Variants in PRKD1 observed in about 807,000 individuals in gnomAD.
The protein encoded by PRKD1 is serine/threonine-protein kinase D1.
PRKD1 carries 63 observed loss-of-function variants against 95.9 expected under a neutral mutation model. That is an observed-to-expected ratio of 0.66 (90% CI 0.54 to 0.81). PRKD1 has a LOEUF of 0.81. Ranked by LOEUF, PRKD1 falls within the 30% of genes least tolerant of loss-of-function variation. The probability of loss-of-function intolerance (pLI) is 0.00; values close to 1 mark genes in which losing one functional copy is unlikely to be tolerated. For missense variants in PRKD1, 1,048 were observed against 1,165.3 expected, an observed-to-expected ratio of 0.90 and a Z score of 1.47; for synonymous variants, 425 against 423.1, an observed-to-expected ratio of 1.00 and a Z score of -0.05.
chr14:29,699,581 T>C (rs753905908), intron 2 of PRKD1, among the ~76,000 whole-genome samples: 4 of 152,190 alleles, frequency 2.6e-5, no homozygotes, highest in Non-Finnish European at 2.9e-5. Context: ...GGCAAAGTTT[T>C]CTCCAATTCT....
chr14:29,620,985 T>C (rs1272533420), intron 13 of PRKD1, among the ~76,000 whole-genome samples: 2 of 151,926 alleles, frequency 1.3e-5, no homozygotes, highest in Admixed American at 6.6e-5. Flanking sequence ...ACCACAGCCA[T>C]ACTATGACTA....
At chr14:29,700,290 C>A (rs1399397514) in intron 2 of PRKD1, among the ~76,000 whole-genome samples, 2 of 151,998 alleles carry the variant, frequency 1.3e-5, no homozygotes, top group South Asian at 4.2e-4. Flanking sequence ...ACAAATGTCC[C>A]CCAATAGTTT....
intron 16 of PRKD1, among the ~76,000 whole-genome samples, chr14:29,595,504 T>C (rs935655140): frequency 6.6e-6 from 1 of 152,208 alleles, no homozygotes; most frequent in Non-Finnish European, 1.5e-5. Context: ...TACTTTTGTA[T>C]TACCTACTGT....
At chr14:29,813,086 G>T (rs1890555968) in intron 1 of PRKD1, among the ~76,000 whole-genome samples, 1 of 152,010 alleles carries the variant, frequency 6.6e-6, no homozygotes, top group African/African-American at 2.4e-5. Flanking sequence ...CTCCATCCTG[G>T]GCAACAGGAG....
intron 13 of PRKD1, among the ~76,000 whole-genome samples, chr14:29,616,138 G>C (rs557968341): frequency 2.0e-5 from 3 of 150,566 alleles, no homozygotes; most frequent in African/African-American, 7.3e-5. Flanking sequence ...TAGGAAGATA[G>C]AGGAGCTAGC....
intron 2 of PRKD1, among the ~76,000 whole-genome samples, chr14:29,708,044 T>C (rs570091312): frequency 8.5e-5 from 13 of 152,288 alleles, no homozygotes; most frequent in Non-Finnish European, 1.5e-4. Context: ...ACCTTTTATC[T>C]AAAACACAAA....
At chr14:29,707,735 TA>T (rs1198799555) in intron 2 of PRKD1, among the ~76,000 whole-genome samples, 1 of 152,162 alleles carries the variant, frequency 6.6e-6, no homozygotes, top group Non-Finnish European at 1.5e-5. Flanking sequence ...TCCCTGTTTG[TA>T]TATGAAACTC....
intron 1 of PRKD1, among the ~76,000 whole-genome samples, chr14:29,814,384 C>G (rs1890609461): frequency 6.6e-6 from 1 of 152,160 alleles, no homozygotes; most frequent in Non-Finnish European, 1.5e-5. Flanking sequence ...AAGAACCTCC[C>G]AAGGCAGGAG....
intron 1 of PRKD1, among the ~76,000 whole-genome samples, chr14:29,801,063 C>A (rs1228998044): frequency 2.0e-5 from 3 of 151,892 alleles, no homozygotes; most frequent in Non-Finnish European, 1.5e-5. Flanking sequence ...GAAAGGGGAC[C>A]CAAGTGTGTG....
At chr14:29,609,685 C>T (rs374547397) in intron 13 of PRKD1, among the ~76,000 whole-genome samples, 1 of 150,016 alleles carries the variant, frequency 6.7e-6, no homozygotes, top group African/African-American at 2.4e-5. Context: ...GGACTACAGG[C>T]AAGCACCACC....
intron 13 of PRKD1, among the ~76,000 whole-genome samples, chr14:29,603,030 T>C (rs1893578717): frequency 6.6e-6 from 1 of 152,196 alleles, no homozygotes; most frequent in Non-Finnish European, 1.5e-5. Flanking sequence ...ATTTGGGCTT[T>C]GAATGTGGTT....
chr14:29,664,611 G>A (rs191510889), intron 3 of PRKD1, among the ~76,000 whole-genome samples: 1 of 152,246 alleles, frequency 6.6e-6, no homozygotes, highest in East Asian at 1.9e-4. Flanking sequence ...CCTCTTCACA[G>A]ACAGAAATTC....
chr14:29,667,642 A>C (rs918625917), intron 2 of PRKD1, among the ~76,000 whole-genome samples: 1 of 152,230 alleles, frequency 6.6e-6, no homozygotes, highest in African/African-American at 2.4e-5. Context: ...TAGAAAATTT[A>C]TTTTTAAAAT....
At chr14:29,914,842 G>A (rs141297278) in intron 1 of PRKD1, among the ~76,000 whole-genome samples, 3,531 of 151,266 alleles carry the variant, frequency 0.023, 148 homozygotes, top group African/African-American at 0.082. Context: ...GCGTGATCTC[G>A]GCTAACTGCA....
chr14:29,687,089 G>A (rs1883923960), intron 2 of PRKD1, among the ~76,000 whole-genome samples: 1 of 151,762 alleles, frequency 6.6e-6, no homozygotes, highest in Non-Finnish European at 1.5e-5. Flanking sequence ...TTTTCTTAAG[G>A]TCTGGTGTCT....
At chr14:29,740,261 T>C (rs1239049695) in intron 1 of PRKD1, among the ~76,000 whole-genome samples, 1 of 152,224 alleles carries the variant, frequency 6.6e-6, no homozygotes, top group Non-Finnish European at 1.5e-5. Context: ...AAGATTTTTA[T>C]ATTTCATAAA....
intron 2 of PRKD1, among the ~76,000 whole-genome samples, chr14:29,686,327 G>A (rs1428977074): frequency 6.6e-6 from 1 of 152,178 alleles, no homozygotes; most frequent in Non-Finnish European, 1.5e-5. Flanking sequence ...GCGTCTGGGG[G>A]AATGACCACA....
At chr14:29,664,213 T>C (rs933296753) in intron 3 of PRKD1, among the ~76,000 whole-genome samples, 1 of 152,158 alleles carries the variant, frequency 6.6e-6, no homozygotes, top group Non-Finnish European at 1.5e-5. Context: ...TAAAGGAATA[T>C]TAATCACAGC....
chr14:29,590,895 C>T (rs1893104055), intron 16 of PRKD1, among the ~76,000 whole-genome samples: 1 of 152,190 alleles, frequency 6.6e-6, no homozygotes, highest in Non-Finnish European at 1.5e-5. Context: ...TCTCCTGCCT[C>T]AGCCTATCGA....
Sources: gnomAD v4.1 joint callset for allele counts (sites outside exome capture counted in the v4.1 genomes callset) on GRCh38, gnomAD v4.1.1 for gene constraint, MANE v1.5 for transcripts, NCBI Gene and HGNC (gene_info 2026-07-23, HGNC 2026-07-21) for gene names.